The following MGAT4C variants were observed in gnomAD, a reference collection of about 807,000 sequenced individuals.
MGAT4C encodes the protein alpha-1,3-mannosyl-glycoprotein 4-beta-N-acetylglucosaminyltransferase C.
A neutral mutation model predicts 40.1 loss-of-function variants in MGAT4C; 19 were observed. That is an observed-to-expected ratio of 0.47 (90% CI 0.33 to 0.70). MGAT4C has a LOEUF of 0.70. MGAT4C is among the 30% of genes least tolerant of loss of function. The probability of loss-of-function intolerance (pLI) is 0.02; values close to 1 mark genes in which losing one functional copy is unlikely to be tolerated. For synonymous variants in MGAT4C, 181 were observed against 187.1 expected (o/e 0.97, Z 0.27); for missense variants, 491 against 563.2 (o/e 0.87, Z 1.30).
Position 86,303,233 on chromosome 12 carries a change from CTAAGA to C in MGAT4C, c.-57+30827_-57+30831del, listed in dbSNP as rs1441709450. ...ACCTATTCTTTTAAGGTGAATTAAT[CTAAGA>C]TGTTATTATTAATTGATTATGTCTG... On this transcript the variant is annotated intron_variant, in intron 4 of 7. Transcript: ENST00000548651. 6.6e-5 allele frequency among the ~76,000 whole-genome samples: 10 copies of C among 150,494 alleles called. 1 individual carries two copies. The highest frequency in any genetic ancestry group is 1.3e-4 in the Non-Finnish European group (9 of 68,002).
At chr12:86,531,861 A>C (rs1051940259) in intron 2 of MGAT4C, among the ~76,000 whole-genome samples, 6 of 152,000 alleles carry the variant, frequency 3.9e-5, no homozygotes, top group African/African-American at 1.2e-4. Flanking sequence ...AAATTAAAAA[A>C]TACTTTTTTA....
At chr12:86,762,055 T>A (rs575021879) in intron 1 of MGAT4C, among the ~76,000 whole-genome samples, 1 of 141,298 alleles carries the variant, frequency 7.1e-6, no homozygotes, top group East Asian at 2.2e-4. Flanking sequence ...TAGGCTGCAC[T>A]TTTTTTTTTT....
chr12:86,461,397 C>T (rs1197744928), intron 2 of MGAT4C, among the ~76,000 whole-genome samples: 2 of 152,000 alleles, frequency 1.3e-5, no homozygotes, highest in Non-Finnish European at 2.9e-5. Flanking sequence ...AGGCGCCCGC[C>T]ACCGCGCCCG....
At chr12:86,090,724 C>T (rs892086370) in intron 1 of MGAT4C, among the ~76,000 whole-genome samples, 1 of 151,864 alleles carries the variant, frequency 6.6e-6, no homozygotes, top group African/African-American at 2.4e-5. Flanking sequence ...CCCAAAGCCA[C>T]AGTGAGCTTG....
At chr12:86,309,608 A>G (rs1465108247) in intron 4 of MGAT4C, among the ~76,000 whole-genome samples, 1 of 152,222 alleles carries the variant, frequency 6.6e-6, no homozygotes, top group African/African-American at 2.4e-5. Flanking sequence ...GGTTTCATCT[A>G]TCTACACTAT....
At chr12:86,669,874 G>T (rs1369834849) in intron 2 of MGAT4C, among the ~76,000 whole-genome samples, 1 of 152,182 alleles carries the variant, frequency 6.6e-6, no homozygotes, top group African/African-American at 2.4e-5. Flanking sequence ...CTACTGGTTT[G>T]TAGGTTGAAC....
chr12:86,044,424 G>A (rs931918464), intron 2 of MGAT4C, among the ~76,000 whole-genome samples: 17 of 152,150 alleles, frequency 1.1e-4, no homozygotes, highest in Non-Finnish European at 1.9e-4. Context: ...GTGGGTTTGC[G>A]GCTGCCAGCT....
At chr12:86,311,611 T>C (rs931722034) in intron 4 of MGAT4C, among the ~76,000 whole-genome samples, 6 of 152,178 alleles carry the variant, frequency 3.9e-5, no homozygotes, top group Non-Finnish European at 7.3e-5. Context: ...ATCACTGGAA[T>C]TGCAAAGGGT....
At chr12:86,380,306 G>A (rs901880205) in intron 3 of MGAT4C, among the ~76,000 whole-genome samples, 2 of 152,008 alleles carry the variant, frequency 1.3e-5, no homozygotes, top group Non-Finnish European at 2.9e-5. Context: ...ATTTCTGAAA[G>A]GCTGTTTTAT....
rs930595351 is a variant in MGAT4C at position 86,304,670 on chromosome 12, G to A, written c.-57+29395C>T. On this transcript the variant is annotated intron_variant, in intron 4 of 7. Coordinates refer to the MGAT4C transcript ENST00000548651. ...TGTACCTGTGAAGATGACCTTACCT[G>A]AAAATAAGTTCTTTGTAGATTTTAA... 1.3e-5 allele frequency among the ~76,000 whole-genome samples: 2 copies of A among 150,672 alleles called. 1 individual carries two copies. The highest frequency in any genetic ancestry group is 5.0e-5 in the African/African-American group (2 of 40,080).
At chr12:86,333,174 A>T (rs1954710583) in intron 4 of MGAT4C, among the ~76,000 whole-genome samples, 2 of 152,176 alleles carry the variant, frequency 1.3e-5, no homozygotes, top group Admixed American at 6.6e-5. Flanking sequence ...AGCCAGGCAA[A>T]CTTGTCTCAC....
intron 1 of MGAT4C, among the ~76,000 whole-genome samples, chr12:86,082,383 A>G (rs1178099446): frequency 6.6e-6 from 1 of 152,144 alleles, no homozygotes; most frequent in East Asian, 1.9e-4. Context: ...GATTCCTTGG[A>G]CTAATTGGAA....
In MGAT4C at chr12:86,332,622, GA is replaced by G. The variant is rs1294279537; in HGVS notation, c.-57+1442del. Among the ~76,000 whole-genome samples, 7 of 151,442 alleles carry G rather than the reference GA, an allele frequency of 4.6e-5. No individual in the cohort carries two copies. In the East Asian group the frequency reaches 5.9e-4, roughly 13 times the overall value. ...CAGTAAAAAGCCATATCGTAATTGGGAAAAATCTTTACTTTTTAAAGGTTTT... is the reference window on the plus strand; with the variant it reads ...CAGTAAAAAGCCATATCGTAATTGGGAAAATCTTTACTTTTTAAAGGTTTT... On this transcript the variant is annotated intron_variant, in intron 4 of 7. Transcript: ENST00000548651.
At chr12:86,091,458 GAGC>G (rs1872870119) in intron 1 of MGAT4C, among the ~76,000 whole-genome samples, 1 of 151,990 alleles carries the variant, frequency 6.6e-6, no homozygotes, top group Non-Finnish European at 1.5e-5. Context: ...AAAGAAAGCA[GAGC>G]ATAAAGTGGC....
At chr12:86,064,830 A>G (rs1894373210) in intron 1 of MGAT4C, among the ~76,000 whole-genome samples, 1 of 152,192 alleles carries the variant, frequency 6.6e-6, no homozygotes, top group East Asian at 1.9e-4. Context: ...AATAAAGAAG[A>G]AAAGAGAGAA....
At chr12:86,705,567 A>AT (rs1950442313) in intron 2 of MGAT4C, among the ~76,000 whole-genome samples, 1 of 152,256 alleles carries the variant, frequency 6.6e-6, no homozygotes, top group African/African-American at 2.4e-5. Flanking sequence ...AAAATGTAAA[A>AT]TTTTTATAAT....
intron 1 of MGAT4C, among the ~76,000 whole-genome samples, chr12:86,224,783 A>G (rs1251883071): frequency 6.6e-6 from 1 of 152,222 alleles, no homozygotes; most frequent in Non-Finnish European, 1.5e-5. Context: ...GGGATACAAC[A>G]AAGGCAGTGT....
chr12:86,782,024 G>C (rs927407813), intron 1 of MGAT4C, among the ~76,000 whole-genome samples: 1 of 151,782 alleles, frequency 6.6e-6, no homozygotes, highest in Non-Finnish European at 1.5e-5. Flanking sequence ...ATGGCGTCTC[G>C]TTCTGTTGCC....
intron 1 of MGAT4C, among the ~76,000 whole-genome samples, chr12:86,743,594 A>G (rs952510814): frequency 5.9e-5 from 9 of 151,494 alleles, no homozygotes; most frequent in African/African-American, 2.2e-4. Flanking sequence ...TGAAATAAAG[A>G]CTCACAGGGA....
Sources: allele counts gnomAD v4.1 joint callset (sites outside exome capture counted in the v4.1 genomes callset), GRCh38; gene constraint gnomAD v4.1.1; transcripts MANE v1.5; gene names NCBI Gene and HGNC (gene_info 2026-07-23, HGNC 2026-07-21).